ATXN7: variants seen among roughly 807,000 people sequenced by gnomAD.
The protein encoded by ATXN7 is ataxin-7.
In ATXN7, 12 loss-of-function variants were observed where a neutral mutation model predicts 70.5. The observed-to-expected ratio is 0.17, with a 90% CI of 0.11 to 0.28. The LOEUF (loss-of-function observed/expected upper bound fraction) is 0.28. Among genes scored for constraint, ATXN7 ranks in the 10% least tolerant of loss-of-function variants. ATXN7 has a pLI of 1.00. For missense variants in ATXN7, 1,256 were observed against 1,131.7 expected (o/e 1.11, Z -1.58); for synonymous variants, 498 against 448.7 (o/e 1.11, Z -1.39).
intron 4 of ATXN7, among the ~76,000 whole-genome samples, chr3:63,914,412 T>C (rs1386759884): frequency 1.3e-5 from 2 of 152,192 alleles, no homozygotes; most frequent in African/African-American, 2.4e-5. Context: ...AATTAGTTGA[T>C]TTTTAAAATG....
intron 2 of ATXN7, among the ~76,000 whole-genome samples, chr3:63,907,456 CTTTTT>C (rs946462374): frequency 2.1e-4 from 24 of 116,628 alleles, no homozygotes; most frequent in African/African-American, 7.2e-4. Context: ...CATTCCTTGT[CTTTTT>C]TTTTTTTTTT....
Position 63,979,902 on chromosome 3 carries a change from C to CT in ATXN7, c.500-10dup. 1 of 1,605,786 alleles carries CT rather than the reference C, an allele frequency of 6.2e-7. No homozygotes were observed. Among genetic ancestry groups the CT allele is most frequent in the Non-Finnish European group, 8.5e-7 (1 of 1,176,770 alleles). ...AAAACATGATGTCTTTTTTTCTTTG[C>CT]TTTCGTTTTCAGAAAGAAGACATAG... On this transcript the variant is annotated splice_polypyrimidine_tract_variant and intron_variant, in intron 5 of 12. Transcript: ENST00000674280.
chr3:64,002,670 C>G lies in ATXN7; in HGVS notation c.*3203C>G, dbSNP rs1318399557. 1.3e-5 allele frequency: 2 copies of G among 152,090 alleles called. No homozygotes were observed. Among genetic ancestry groups the G allele is most frequent in the Non-Finnish European group, 1.5e-5 (1 of 68,008 alleles). The allele number at this position is 152,090 out of a possible 1,614,324, so 9.4% of individuals were successfully genotyped here. On this transcript the variant is annotated 3_prime_UTR_variant, in exon 13 of 13. Transcript: ENST00000674280. Reference sequence around the variant, plus strand: ...GTTGAACTTTTGGAGTTTGCTTTTTCCACCTAAATATTGTTTCTAAAATTT... The same window carrying G: ...GTTGAACTTTTGGAGTTTGCTTTTTGCACCTAAATATTGTTTCTAAAATTT...
At chr3:63,881,770 G>A (rs1157826811) in intron 1 of ATXN7, among the ~76,000 whole-genome samples, 1 of 152,178 alleles carries the variant, frequency 6.6e-6, no homozygotes, top group Non-Finnish European at 1.5e-5. Flanking sequence ...TTACAGGCGT[G>A]AGCCACTGCA....
intron 1 of ATXN7, among the ~76,000 whole-genome samples, chr3:63,866,391 C>G (rs1004441880): frequency 1.3e-5 from 2 of 152,070 alleles, no homozygotes; most frequent in Non-Finnish European, 2.9e-5. Context: ...GTTGGGACTA[C>G]CGGCATGTTC....
intron 11 of ATXN7, among the ~76,000 whole-genome samples, chr3:63,995,120 ACT>A (rs2075735195): frequency 6.6e-6 from 1 of 152,088 alleles, no homozygotes; most frequent in East Asian, 1.9e-4. Flanking sequence ...GCTGGGGATG[ACT>A]CTCTCTGCAG....
At chr3:63,987,256 A>G (rs2075592695) in intron 8 of ATXN7, among the ~76,000 whole-genome samples, 2 of 152,206 alleles carry the variant, frequency 1.3e-5, no homozygotes, top group Admixed American at 1.3e-4. Context: ...CTTCAACCAC[A>G]GGTGTGTGTA....
At position 63,866,572 on chromosome 3, in the gene ATXN7, A is replaced by G. The variant is rs538100393; in HGVS notation, c.-111+2414A>G. Among the ~76,000 whole-genome samples the G allele has an allele frequency of 6.6e-4, 101 of 152,308 alleles. No homozygotes were observed. In the Middle Eastern group the frequency reaches 0.01, roughly 15 times the overall value. ...TGTCCAGCCTGAAAGTTCTTGACTCAAGTGGTGGGAAACACATAATTTGAG... is the reference window on the plus strand; with the variant it reads ...TGTCCAGCCTGAAAGTTCTTGACTCGAGTGGTGGGAAACACATAATTTGAG... On this transcript the variant is annotated intron_variant, in intron 1 of 12. Transcript: ENST00000674280.
chr3:63,922,276 A>T (rs1704540771), intron 4 of ATXN7, among the ~76,000 whole-genome samples: 1 of 152,140 alleles, frequency 6.6e-6, no homozygotes, highest in African/African-American at 2.4e-5. Context: ...TCTGGAGCTC[A>T]AGAAATCCTC....
Position 63,965,039 on chromosome 3 carries a change from C to G in ATXN7, c.499+12556C>G, listed in dbSNP as rs80195199. On this transcript the variant is annotated intron_variant, in intron 5 of 12. Transcript: ENST00000674280. ...CTGCCAACAGCTTGTTTATTGCCCT[C>G]CAGAGCACTGAATGACACCTCTGCT... Among the ~76,000 whole-genome samples, 3 of 152,256 alleles carry G rather than the reference C, an allele frequency of 2.0e-5. No individual in the cohort carries two copies. The East Asian group carries it at 5.8e-4, about 29-fold the overall frequency.
intron 4 of ATXN7, among the ~76,000 whole-genome samples, chr3:63,914,613 C>G (rs1427804231): frequency 6.6e-6 from 1 of 152,142 alleles, no homozygotes; most frequent in Non-Finnish European, 1.5e-5. Context: ...GAGGACCTGA[C>G]CTACTCTTGT....
chr3:63,870,926 CTG>C (rs1702574189), intron 1 of ATXN7, among the ~76,000 whole-genome samples: 1 of 152,092 alleles, frequency 6.6e-6, no homozygotes, highest in South Asian at 2.1e-4. Flanking sequence ...ATATATATGT[CTG>C]TGTGTAATTT....
intron 5 of ATXN7, among the ~76,000 whole-genome samples, chr3:63,970,914 G>T (rs1385863185): frequency 6.6e-6 from 1 of 152,174 alleles, no homozygotes; most frequent in Non-Finnish European, 1.5e-5. Flanking sequence ...ATAAAGCGCT[G>T]ACTTCAAGAG....
chr3:63,984,833 C>T (rs1242203915), intron 8 of ATXN7, among the ~76,000 whole-genome samples: 2 of 152,170 alleles, frequency 1.3e-5, no homozygotes, highest in African/African-American at 4.8e-5. Context: ...GTTGTTGATT[C>T]TGTGAGTTTG....
At chr3:63,909,191 A>G (rs1703935857) in intron 2 of ATXN7, among the ~76,000 whole-genome samples, 1 of 152,262 alleles carries the variant, frequency 6.6e-6, no homozygotes. Flanking sequence ...GTTACAAGGC[A>G]TCATCAGAAA....
chr3:63,993,212 G>A (rs2075699847), intron 11 of ATXN7, among the ~76,000 whole-genome samples: 1 of 151,558 alleles, frequency 6.6e-6, no homozygotes, highest in South Asian at 2.1e-4. Context: ...TGTTGATTTG[G>A]GACCAGTATC....
At chr3:63,949,379 G>A (rs182653120) in intron 4 of ATXN7, among the ~76,000 whole-genome samples, 386 of 150,222 alleles carry the variant, frequency 2.6e-3, no homozygotes, top group African/African-American at 8.9e-3. Flanking sequence ...GTTGCTTTAC[G>A]TTTTCATAAA....
intron 4 of ATXN7, among the ~76,000 whole-genome samples, chr3:63,946,574 C>T (rs943419752): frequency 2.0e-4 from 30 of 148,326 alleles, no homozygotes; most frequent in Non-Finnish European, 3.5e-4. Context: ...ACCCGGGAGG[C>T]GGAGCTTGCA....
intron 12 of ATXN7, chr3:63,998,904 C>A: frequency 5.9e-6 from 1 of 168,148 alleles, no homozygotes; most frequent in Non-Finnish European, 1.2e-5. Context: ...GTGGGACATG[C>A]TGGGAAGCCT....
Sources: gnomAD v4.1 joint callset for allele counts (sites outside exome capture counted in the v4.1 genomes callset) on GRCh38, gnomAD v4.1.1 for gene constraint, MANE v1.5 for transcripts, NCBI Gene and HGNC (gene_info 2026-07-23, HGNC 2026-07-21) for gene names.